The following CDH20 variants were observed in gnomAD, a reference collection of about 807,000 sequenced individuals.
CDH20 encodes cadherin-20.
A neutral mutation model predicts 74.2 loss-of-function variants in CDH20; 29 were observed. The ratio of observed to expected loss-of-function variants is 0.39; its 90% CI spans 0.29 to 0.53. The LOEUF (loss-of-function observed/expected upper bound fraction) is 0.53. Among genes scored for constraint, CDH20 ranks in the 20% least tolerant of loss-of-function variants. The pLI, the probability that CDH20 is intolerant of heterozygous loss-of-function variation, is 0.69. For synonymous variants in CDH20, 469 were observed against 405.4 expected (o/e 1.16, Z -1.88); for missense variants, 988 against 1,048.3 (o/e 0.94, Z 0.79).
chr18:61,431,377 A>C (rs2144296493), intron 1 of CDH20, among the ~76,000 whole-genome samples: 1 of 152,338 alleles, frequency 6.6e-6, no homozygotes, highest in Non-Finnish European at 1.5e-5. Flanking sequence ...GGAAACTCTA[A>C]GGAAACCCAA....
At chr18:61,389,991 C>A (rs369071043) in intron 1 of CDH20, among the ~76,000 whole-genome samples, 2 of 152,160 alleles carry the variant, frequency 1.3e-5, no homozygotes, top group African/African-American at 4.8e-5. Context: ...ACCTTCCTTG[C>A]CCCCATGACC....
chr18:61,487,724 C>T (rs1040627976), intron 1 of CDH20, among the ~76,000 whole-genome samples: 1 of 152,142 alleles, frequency 6.6e-6, no homozygotes, highest in African/African-American at 2.4e-5. Flanking sequence ...AACCTGACCG[C>T]CTACAAAATA....
chr18:61,440,162 A>AT (rs1432800351), intron 1 of CDH20, among the ~76,000 whole-genome samples: 4 of 152,200 alleles, frequency 2.6e-5, no homozygotes, highest in African/African-American at 9.6e-5. Context: ...AGTAGTGTAG[A>AT]TAAAGTATGC....
chr18:61,350,140 T>C (rs531346757), intron 1 of CDH20, among the ~76,000 whole-genome samples: 1 of 152,256 alleles, frequency 6.6e-6, no homozygotes, highest in South Asian at 2.1e-4. Flanking sequence ...CTCTCCCTGC[T>C]AAACTGCCTG....
intron 1 of CDH20, among the ~76,000 whole-genome samples, chr18:61,443,868 A>G (rs1909110535): frequency 6.6e-6 from 1 of 152,002 alleles, no homozygotes; most frequent in Non-Finnish European, 1.5e-5. Flanking sequence ...ACAGAAAGGG[A>G]AAAGGAGAGA....
intron 6 of CDH20, among the ~76,000 whole-genome samples, chr18:61,516,640 A>C (rs1187381068): frequency 6.6e-6 from 1 of 152,108 alleles, no homozygotes; most frequent in East Asian, 1.9e-4. Context: ...ATTTTCTATT[A>C]TGAATACAGA....
At chr18:61,546,184 C>T (rs2144405981) in intron 10 of CDH20, among the ~76,000 whole-genome samples, 1 of 152,264 alleles carries the variant, frequency 6.6e-6, no homozygotes, top group African/African-American at 2.4e-5. Flanking sequence ...ATATTAATTG[C>T]CGCTTTGTAA....
intron 1 of CDH20, among the ~76,000 whole-genome samples, chr18:61,385,908 C>T (rs1249046916): frequency 7.6e-6 from 1 of 130,732 alleles, no homozygotes; most frequent in Non-Finnish European, 1.6e-5. Context: ...CCAGCCTGGG[C>T]AACAAAGTGA....
chr18:61,405,712 T>A (rs895540873), intron 1 of CDH20, among the ~76,000 whole-genome samples: 23 of 152,198 alleles, frequency 1.5e-4, no homozygotes. Context: ...GTCAGCAGTA[T>A]CATTTGGGAA....
chr18:61,544,194 T>G (rs1913144149), intron 9 of CDH20, among the ~76,000 whole-genome samples: 1 of 152,310 alleles, frequency 6.6e-6, no homozygotes, highest in Non-Finnish European at 1.5e-5. Context: ...TGTGCCCTGC[T>G]GCTCAAACCC....
chr18:61,438,348 G>C (rs1423092351), intron 1 of CDH20, among the ~76,000 whole-genome samples: 4 of 144,766 alleles, frequency 2.8e-5, no homozygotes, highest in Non-Finnish European at 6.0e-5. Flanking sequence ...AGATGTAGAG[G>C]AGGTGGAGAA....
intron 1 of CDH20, among the ~76,000 whole-genome samples, chr18:61,361,702 G>A (rs1051825384): frequency 6.6e-6 from 1 of 152,050 alleles, no homozygotes. Context: ...GAAATACTTT[G>A]TCTGTTAAGT....
chr18:61,396,399 T>C (rs984514511), intron 1 of CDH20, among the ~76,000 whole-genome samples: 2 of 151,518 alleles, frequency 1.3e-5, no homozygotes, highest in Non-Finnish European at 2.9e-5. Context: ...CCTTCACCTG[T>C]TCATCCTTTT....
chr18:61,540,308 G>C (rs1912982798), intron 9 of CDH20, among the ~76,000 whole-genome samples: 1 of 152,170 alleles, frequency 6.6e-6, no homozygotes, highest in Non-Finnish European at 1.5e-5. Context: ...TCATGCATTG[G>C]TAATTCTGGC....
chr18:61,456,840 T>C (rs1599097822), intron 1 of CDH20, among the ~76,000 whole-genome samples: 1 of 152,274 alleles, frequency 6.6e-6, no homozygotes, highest in South Asian at 2.1e-4. Flanking sequence ...GTTCTCTTCC[T>C]GGTGTGCAGG....
At chr18:61,540,158 C>T (rs1389758533) in intron 9 of CDH20, among the ~76,000 whole-genome samples, 2 of 152,154 alleles carry the variant, frequency 1.3e-5, no homozygotes, top group Admixed American at 6.5e-5. Context: ...AGCAACCCTA[C>T]AGATCCCCTA....
intron 1 of CDH20, among the ~76,000 whole-genome samples, chr18:61,382,877 G>C (rs1433979760): frequency 6.6e-6 from 1 of 152,178 alleles, no homozygotes; most frequent in East Asian, 1.9e-4. Flanking sequence ...CATCCACCGT[G>C]TAAGGCAGGA....
At chr18:61,446,212 C>T (rs188150483) in intron 1 of CDH20, among the ~76,000 whole-genome samples, 4 of 152,276 alleles carry the variant, frequency 2.6e-5, no homozygotes, top group East Asian at 1.9e-4. Flanking sequence ...TTTACAGACA[C>T]GTTGTAAAAC....
chr18:61,462,723 AAGG>A lies in CDH20; in HGVS notation c.-152-27678_-152-27676del, dbSNP rs869272230. 3.6e-3 allele frequency among the ~76,000 whole-genome samples: 469 copies of A among 128,516 alleles called. 10 individuals carry two copies. Among genetic ancestry groups the A allele is most frequent in the African/African-American group, 0.012 (419 of 34,322 alleles). 84.3% of individuals were successfully genotyped at this position (128,516 alleles called of 152,430 possible). ...ATAATGAATATCTTACAAAAAAAAA[AAGG>A]GGGGGGGGGCATCTAGGGCATGTCA... On this transcript the variant is annotated intron_variant, in intron 1 of 11. Transcript: ENST00000262717.
Sources: allele counts gnomAD v4.1 joint callset (sites outside exome capture counted in the v4.1 genomes callset), GRCh38; gene constraint gnomAD v4.1.1; transcripts MANE v1.5; gene names NCBI Gene and HGNC (gene_info 2026-07-23, HGNC 2026-07-21).